AFF4: variants seen among roughly 807,000 people sequenced by gnomAD.
AFF4 encodes the protein ALF transcription elongation factor 4.
A neutral mutation model predicts 124.8 loss-of-function variants in AFF4; 13 were observed. The ratio of observed to expected loss-of-function variants is 0.10; its 90% CI spans 0.07 to 0.17. The LOEUF is 0.17. Ranked by LOEUF, AFF4 falls within the 10% of genes least tolerant of loss-of-function variation. AFF4 has a pLI of 1.00. For missense variants in AFF4, 1,092 were observed against 1,403.8 expected, an observed-to-expected ratio of 0.78 and a Z score of 3.55; for synonymous variants, 477 against 496.1, an observed-to-expected ratio of 0.96 and a Z score of 0.51.
intron 5 of AFF4, among the ~76,000 whole-genome samples, chr5:132,914,413 C>G (rs560110588): frequency 6.6e-6 from 1 of 151,706 alleles, no homozygotes; most frequent in African/African-American, 2.4e-5. Flanking sequence ...CCAGCCTGAC[C>G]AACATGGTGA....
chr5:132,918,598 G>C (rs1274097005), intron 5 of AFF4, among the ~76,000 whole-genome samples: 2 of 150,212 alleles, frequency 1.3e-5, no homozygotes, highest in Non-Finnish European at 1.5e-5. Context: ...GGAGGCGGAG[G>C]TTGCACTGAG....
At chr5:132,922,160 G>A (rs1023161970) in intron 5 of AFF4, among the ~76,000 whole-genome samples, 3 of 152,156 alleles carry the variant, frequency 2.0e-5, no homozygotes, top group East Asian at 1.9e-4. Flanking sequence ...GCTCACGCCT[G>A]TAATCTCAGC....
At chr5:132,922,141 G>C (rs537834671) in intron 5 of AFF4, among the ~76,000 whole-genome samples, 20 of 152,296 alleles carry the variant, frequency 1.3e-4, no homozygotes, top group African/African-American at 4.6e-4. Flanking sequence ...AAACAGGCCA[G>C]ATGTAGTGGC....
intron 10 of AFF4, 84 bp from the exon 11 acceptor site, chr5:132,897,324 A>G: frequency 7.1e-7 from 1 of 1,413,052 alleles, no homozygotes; most frequent in Middle Eastern, 2.0e-4. Flanking sequence ...AAAGAAGAGG[A>G]AAAACCACAA....
intron 5 of AFF4, among the ~76,000 whole-genome samples, chr5:132,923,524 C>G (rs1039764223): frequency 1.3e-5 from 2 of 152,028 alleles, no homozygotes; most frequent in Admixed American, 1.3e-4. Flanking sequence ...GGCTTGAAGT[C>G]AGGAGTTTGA....
At chr5:132,885,859 C>T (rs531090500) in intron 18 of AFF4, among the ~76,000 whole-genome samples, 7 of 152,244 alleles carry the variant, frequency 4.6e-5, no homozygotes, top group Non-Finnish European at 8.8e-5. Flanking sequence ...CTGCAGCCTC[C>T]GCCTCCAGGG....
chr5:132,949,672 A>G (rs989641890), intron 1 of AFF4, among the ~76,000 whole-genome samples: 2 of 150,268 alleles, frequency 1.3e-5, no homozygotes, highest in Non-Finnish European at 3.0e-5. Flanking sequence ...ACACAGTGAA[A>G]CCCCATGTGT....
rs772696308 is a variant in AFF4, at chr5:132,937,112, G to A, written c.78C>T (p.Asp26=). The change falls in exon 2 of 21, where the codon GAC becomes GAT. Residue 26 remains aspartate (D), a synonymous_variant. Coordinates refer to ENST00000265343, the MANE Select transcript of AFF4 (RefSeq NM_014423.4). ...AGAGAGGAGAGCTAGGTGGGAAGGC[G>A]TCTTCGCCCTGCTGAATTTCCTGAT... The part of the protein sequence containing the change: ...RRNQEIQQGE[D]AFPPSSPLFA... 4 of 1,613,864 alleles carry A rather than the reference G, an allele frequency of 2.5e-6. No homozygotes were observed. Among genetic ancestry groups the A allele is most frequent in the Admixed American group, 1.7e-5 (1 of 60,012 alleles).
intron 5 of AFF4, among the ~76,000 whole-genome samples, chr5:132,908,361 T>TAAA (rs1760716104): frequency 6.6e-6 from 1 of 152,172 alleles, no homozygotes; most frequent in African/African-American, 2.4e-5. Context: ...GACTTATTTT[T>TAAA]GATATCTGGT....
At chr5:132,903,974 T>A (rs1760611632) in intron 6 of AFF4, 1 of 161,928 alleles carries the variant, frequency 6.2e-6, no homozygotes, top group East Asian at 1.7e-4. Flanking sequence ...AAAATTAGGA[T>A]ACGAGGGCAT....
chr5:132,927,290 A>T, intron 4 of AFF4, 83 bp from the exon 5 acceptor site: 2 of 1,209,992 alleles, frequency 1.7e-6, no homozygotes. Context: ...GTATTTATAA[A>T]TACTGGTTTC....
chr5:132,933,718 C>T (rs1193384847), intron 3 of AFF4, among the ~76,000 whole-genome samples: 1 of 152,088 alleles, frequency 6.6e-6, no homozygotes, highest in Non-Finnish European at 1.5e-5. Flanking sequence ...TTACTATTTC[C>T]ACAGACCCAA....
intron 11 of AFF4, among the ~76,000 whole-genome samples, chr5:132,894,823 G>A (rs772783451): frequency 3.3e-5 from 5 of 151,872 alleles, no homozygotes; most frequent in East Asian, 1.9e-4. Context: ...GTGTGGGGTC[G>A]CATGCCTGTA....
chr5:132,948,126 C>T (rs1378086182), intron 1 of AFF4, among the ~76,000 whole-genome samples: 1 of 152,092 alleles, frequency 6.6e-6, no homozygotes, highest in Non-Finnish European at 1.5e-5. Flanking sequence ...TCTCGGCTCA[C>T]TGCAACCTCC....
At chr5:132,923,425 G>A (rs1419953794) in intron 5 of AFF4, among the ~76,000 whole-genome samples, 1 of 152,160 alleles carries the variant, frequency 6.6e-6, no homozygotes, top group Non-Finnish European at 1.5e-5. Flanking sequence ...GAGGGAGGGA[G>A]TCAGTGAGTG....
chr5:132,927,636 G>A (rs1761203802), intron 4 of AFF4: 1 of 161,180 alleles, frequency 6.2e-6, no homozygotes, highest in South Asian at 1.7e-4. Context: ...TACTCACAAT[G>A]ACATTATGAG....
intron 5 of AFF4, among the ~76,000 whole-genome samples, chr5:132,919,138 G>A (rs533205309): frequency 3.0e-4 from 46 of 152,102 alleles, no homozygotes; most frequent in African/African-American, 9.9e-4. Flanking sequence ...CACCCACCTC[G>A]GCCTCCCAAA....
intron 4 of AFF4, among the ~76,000 whole-genome samples, chr5:132,931,427 T>A (rs1448201343): frequency 6.6e-6 from 1 of 151,978 alleles, no homozygotes; most frequent in African/African-American, 2.4e-5. Flanking sequence ...AGACTCCATA[T>A]CAAGAAAAAA....
rs1291647820 is a variant in AFF4, at chr5:132,878,989, C to A, written c.*2070G>T. 1 of 221,890 alleles carries A rather than the reference C, an allele frequency of 4.5e-6. No homozygotes were observed. The highest frequency in any genetic ancestry group is 9.0e-6 in the Non-Finnish European group (1 of 111,120). The allele number at this position is 221,890 out of a possible 1,614,324, so 13.7% of individuals were successfully genotyped here. A position where few individuals can be genotyped will look rare whatever the true frequency, so the allele number is the denominator to read the frequency against. On this transcript the variant is annotated 3_prime_UTR_variant, in exon 21 of 21. Transcript: ENST00000265343. ...GACATAACATGTATTTGATTAACAA[C>A]CATTATTTCTTACTAAATAACTATC...
Sources: gnomAD v4.1 joint callset for allele counts (sites outside exome capture counted in the v4.1 genomes callset) on GRCh38, gnomAD v4.1.1 for gene constraint, MANE v1.5 for transcripts, NCBI Gene and HGNC (gene_info 2026-07-23, HGNC 2026-07-21) for gene names.